Variants in ASPM observed in about 807,000 individuals in gnomAD.
ASPM encodes the protein abnormal spindle-like microcephaly-associated protein.
ASPM carries 256 observed loss-of-function variants against 366.4 expected under a neutral mutation model. That is an observed-to-expected ratio of 0.70 (90% CI 0.63 to 0.77). The LOEUF (loss-of-function observed/expected upper bound fraction) is 0.77. Among genes scored for constraint, ASPM ranks in the 30% least tolerant of loss-of-function variants. The pLI is 0.00. For missense variants in ASPM, 4,146 were observed against 4,090.4 expected, an observed-to-expected ratio of 1.01 and a Z score of -0.37; for synonymous variants, 1,414 against 1,342.9, an observed-to-expected ratio of 1.05 and a Z score of -1.16.
At chr1:197,121,797 C>T (rs1411118854) in intron 16 of ASPM, 118 bp downstream of exon 16, 1 of 1,286,810 alleles carries the variant, frequency 7.8e-7, no homozygotes, top group Non-Finnish European at 1.1e-6. Context: ...TACACAATTA[C>T]TAAATTTATC....
chr1:197,142,236 C>T, intron 3 of ASPM, 95 bp downstream of exon 3: 1 of 1,345,912 alleles, frequency 7.4e-7, no homozygotes, highest in Non-Finnish European at 1.0e-6. Flanking sequence ...TAAGTAAAAA[C>T]TATAATACAA....
intron 4 of ASPM, among the ~76,000 whole-genome samples, chr1:197,136,813 G>A (rs12097190): frequency 2.2e-4 from 34 of 152,032 alleles, no homozygotes; most frequent in African/African-American, 7.0e-4. Context: ...GGAGCTGAAA[G>A]AGACAAATAT....
chr1:197,124,912 T>C lies in ASPM; in HGVS notation c.3126A>G (p.Glu1042=). ...TTTTCCAAAGCAACCTGAGAGTTTT[T>C]TCTCTGTGCCTATCCACAATATCCT... ...LSKDIVDRHR[E]KTLRLLWKIA... The change falls in exon 12 of 28, where the codon GAA becomes GAG. Residue 1042 remains glutamate, a synonymous_variant. Coordinates refer to ENST00000367409, the MANE Select transcript of ASPM (RefSeq NM_018136.5). The C allele has an allele frequency of 6.2e-7, 1 of 1,612,220 alleles. No individual in the cohort carries two copies. Among genetic ancestry groups the C allele is most frequent in the Non-Finnish European group, 8.5e-7 (1 of 1,178,456 alleles).
chr1:197,089,855 G>T, intron 25 of ASPM, 75 bp downstream of exon 25: 4 of 1,425,560 alleles, frequency 2.8e-6, no homozygotes, highest in Non-Finnish European at 3.0e-6. Context: ...CCCTAGTGAT[G>T]AGTAAACCCA....
chr1:197,109,055 G>A (rs1212395469), intron 17 of ASPM, among the ~76,000 whole-genome samples: 2 of 149,704 alleles, frequency 1.3e-5, no homozygotes, highest in East Asian at 3.9e-4. Context: ...TCGCTATACA[G>A]TATATGTATC....
At chr1:197,146,109 C>G in intron 1 of ASPM, 32 bp downstream of exon 1, 1 of 1,613,764 alleles carries the variant, frequency 6.2e-7, no homozygotes, top group Non-Finnish European at 8.5e-7. Context: ...AAGCAGAACA[C>G]CGGCCTGGAG....
chr1:197,119,082 T>C (rs774001546), intron 16 of ASPM, among the ~76,000 whole-genome samples: 4 of 152,112 alleles, frequency 2.6e-5, no homozygotes, highest in Middle Eastern at 3.2e-3. Context: ...GAAACAACTA[T>C]GGAAATAATC....
chr1:197,103,735 TTA>T lies in ASPM; in HGVS notation c.5514_5515del (p.Tyr1838Ter), dbSNP rs1557947341. ...CACAGATTGATATTTTACCCTTTTA[TTA>T]TAGCCTCTAAAAGCAGACTGAATTT... On this transcript the variant is annotated stop_gained and frameshift_variant, in exon 18 of 28. Coordinates refer to ENST00000367409, the MANE Select transcript of ASPM (RefSeq NM_018136.5). LOFTEE classifies it high-confidence loss of function. The T allele has an allele frequency of 6.2e-7, 1 of 1,612,842 alleles. No homozygotes were observed. The highest frequency in any genetic ancestry group is 2.2e-5 in the East Asian group (1 of 44,832).
At chr1:197,096,369 C>A (rs1656976565) in intron 18 of ASPM, among the ~76,000 whole-genome samples, 1 of 151,786 alleles carries the variant, frequency 6.6e-6, no homozygotes, top group Admixed American at 6.6e-5. Flanking sequence ...GTATTATGTG[C>A]TTTATCACAC....
intron 4 of ASPM, among the ~76,000 whole-genome samples, chr1:197,137,349 G>T (rs1211893144): frequency 1.3e-5 from 2 of 152,184 alleles, no homozygotes; most frequent in African/African-American, 4.8e-5. Flanking sequence ...GGACACTTAA[G>T]TGAACAAAGC....
intron 16 of ASPM, among the ~76,000 whole-genome samples, chr1:197,121,112 G>A (rs1657894551): frequency 6.6e-6 from 1 of 152,036 alleles, no homozygotes; most frequent in Non-Finnish European, 1.5e-5. Context: ...ATTTTACCAG[G>A]CATGGATGCT....
intron 9 of ASPM, 53 bp downstream of exon 9, chr1:197,129,134 C>A: frequency 1.3e-6 from 2 of 1,580,250 alleles, no homozygotes; most frequent in Non-Finnish European, 1.7e-6. Flanking sequence ...TGAAAGCAAG[C>A]AAAAGTCGTA....
chr1:197,103,962 T>C lies in ASPM; in HGVS notation c.5289A>G (p.Arg1763=). The C allele has an allele frequency of 6.2e-7, 1 of 1,612,510 alleles. No homozygotes were observed. The highest frequency in any genetic ancestry group is 8.5e-7 in the Non-Finnish European group (1 of 1,179,316). ...KAVISLQSYF[R]MRKARQYYLK... ...GATAATACTGCCGAGCCTTTCTCAT[T>C]CTGAAATAAGACTGTAGTGAAATAA... Residue 1763 remains arginine, a synonymous_variant, in exon 18 of 28, where the codon AGA becomes AGG. Coordinates refer to ENST00000367409, the MANE Select transcript of ASPM (RefSeq NM_018136.5).
rs1657946165 is a variant in ASPM, at chr1:197,122,576, G to C, written c.3410C>G (p.Ser1137Cys). ...YNKKVENFTV[S>C]FSDGRVLCYL... is the part of the protein sequence containing the mutation. ...ACATAACACACGGCCGTCTGAGAAA[G>C]ACACTGTAAAATTCTCCACCTGATT... is the stretch of plus-strand genomic sequence containing the variant. The change falls in exon 14 of 28, where the codon TCT becomes TGT. Residue 1137 changes from serine (S) to cysteine (C), a missense_variant. Transcript: ENST00000367409. 3 of 1,608,560 alleles carry C rather than the reference G, an allele frequency of 1.9e-6. No individual in the cohort carries two copies. Among genetic ancestry groups the C allele is most frequent in the South Asian group, 1.1e-5 (1 of 90,198 alleles).
intron 17 of ASPM, among the ~76,000 whole-genome samples, chr1:197,114,816 T>C (rs886651812): frequency 6.6e-6 from 1 of 152,318 alleles, no homozygotes; most frequent in East Asian, 1.9e-4. Context: ...TGACGTGATC[T>C]CGGCTCACTG....
chr1:197,097,175 A>G (rs1039049653), intron 18 of ASPM, among the ~76,000 whole-genome samples: 3 of 151,772 alleles, frequency 2.0e-5, no homozygotes, highest in Admixed American at 2.0e-4. Context: ...GGCATTGTGA[A>G]GACTGTTTCT....
chr1:197,135,623 C>CTTTTTTTTTTTTT (rs778898963), intron 4 of ASPM, among the ~76,000 whole-genome samples: 38 of 69,746 alleles, frequency 5.4e-4, no homozygotes, highest in Admixed American at 7.5e-4. Flanking sequence ...AAATATCTGT[C>CTTTTTTTTTTTTT]TTTTTTTTTT....
In ASPM at chr1:197,128,499, A is replaced by C. The variant is rs1658157349; in HGVS notation, c.2927T>G (p.Val976Gly). The change falls in exon 10 of 28, where the codon GTG becomes GGG. Residue 976 changes from valine (V) to glycine (G), a missense_variant. By Grantham distance (109) the Val-to-Gly change is moderately radical. Around this residue, in one of 3 missense-constraint regions of ASPM, gnomAD observed 3,624 missense variants for 3,591.7 expected, o/e 1.01. Coordinates refer to ENST00000367409, the MANE Select transcript of ASPM (RefSeq NM_018136.5). ...TATTTCTTATACGTACACAAGGCGC[A>C]CTCCACATTGCAAGTCTACGGCAAG... ...TNLAVDLQCG[V>G]RLVRTMELLT... 6.2e-7 allele frequency: 1 copy of C among 1,612,210 alleles called. No individual in the cohort carries two copies. Among genetic ancestry groups the C allele is most frequent in the African/African-American group, 1.3e-5 (1 of 74,870 alleles).
At chr1:197,087,184 C>T (rs1571586084) in intron 26 of ASPM, among the ~76,000 whole-genome samples, 1 of 152,196 alleles carries the variant, frequency 6.6e-6, no homozygotes, top group East Asian at 1.9e-4. Context: ...ACGCCATTCT[C>T]CTGCCTCAGT....
Sources: gnomAD v4.1 joint callset for allele counts (sites outside exome capture counted in the v4.1 genomes callset) on GRCh38, gnomAD v4.1.1 for gene constraint, gnomAD v4.1.1 regional missense constraint, MANE v1.5 for transcripts, NCBI Gene and HGNC (gene_info 2026-07-23, HGNC 2026-07-21) for gene names.